The following PRKCB variants were observed in gnomAD, a reference collection of about 807,000 sequenced individuals.
PRKCB encodes protein kinase C beta, also known as protein kinase C beta type.
A neutral mutation model predicts 81.5 loss-of-function variants in PRKCB; 13 were observed. That is an observed-to-expected ratio of 0.16 (90% confidence interval 0.10 to 0.25). The LOEUF (loss-of-function observed/expected upper bound fraction) is 0.25, where lower values mean the gene tolerates loss of function less well. Ranked by LOEUF, PRKCB falls within the 10% of genes least tolerant of loss-of-function variation. The pLI is 1.00. For synonymous variants in PRKCB, 335 were observed against 321.4 expected (o/e 1.04, Z -0.45); for missense variants, 509 against 875.7 (o/e 0.58, Z 5.29).
At chr16:24,033,537 G>T (rs897551684) in intron 4 of PRKCB, among the ~76,000 whole-genome samples, 2 of 152,170 alleles carry the variant, frequency 1.3e-5, no homozygotes, top group African/African-American at 2.4e-5. Context: ...TGAGGCGGGT[G>T]GATCACCTAA....
chr16:24,086,827 T>C (rs1248520753), intron 5 of PRKCB, among the ~76,000 whole-genome samples: 1 of 152,218 alleles, frequency 6.6e-6, no homozygotes, highest in East Asian at 1.9e-4. Flanking sequence ...TTTCTATATA[T>C]TTACATTCAT....
chr16:24,035,569 C>T (rs947267968), intron 5 of PRKCB, 22 bp downstream of exon 5: 1 of 1,398,472 alleles, frequency 7.2e-7, no homozygotes, highest in Admixed American at 1.9e-5. Context: ...TGGGGCTCCA[C>T]TGGCTCCTGA....
At chr16:24,120,667 A>T (rs1166914853) in intron 8 of PRKCB, among the ~76,000 whole-genome samples, 1 of 152,016 alleles carries the variant, frequency 6.6e-6, no homozygotes, top group Non-Finnish European at 1.5e-5. Context: ...TCTGCTACCC[A>T]TCTGGGGTCA....
intron 2 of PRKCB, among the ~76,000 whole-genome samples, chr16:23,879,057 A>C (rs1189714017): frequency 6.6e-6 from 1 of 152,120 alleles, no homozygotes; most frequent in Non-Finnish European, 1.5e-5. Context: ...ACGCGCCTGT[A>C]ATCCCAGCTA....
chr16:24,035,238 A>G (rs1469330268), intron 4 of PRKCB, among the ~76,000 whole-genome samples, 181 bp from the exon 5 acceptor site: 1 of 152,264 alleles, frequency 6.6e-6, no homozygotes, highest in East Asian at 1.9e-4. Context: ...TTCAGGGGGA[A>G]GAGTTGGAAA....
At chr16:24,012,784 T>C (rs904092144) in intron 3 of PRKCB, among the ~76,000 whole-genome samples, 1 of 152,252 alleles carries the variant, frequency 6.6e-6, no homozygotes. Flanking sequence ...ATGATTGTCC[T>C]ACTCATGAGG....
intron 2 of PRKCB, among the ~76,000 whole-genome samples, chr16:23,973,141 G>A (rs938324558): frequency 4.0e-5 from 6 of 151,292 alleles, no homozygotes; most frequent in South Asian, 2.1e-4. Flanking sequence ...AGGTCAGGAC[G>A]GAAGTGATAT....
At chr16:23,875,497 A>AATG (rs1962981638) in intron 2 of PRKCB, among the ~76,000 whole-genome samples, 1 of 109,848 alleles carries the variant, frequency 9.1e-6, no homozygotes, top group African/African-American at 3.4e-5. Flanking sequence ...ATATATATAT[A>AATG]TATATATATG....
chr16:23,836,337 C>A lies in PRKCB; in HGVS notation c.162C>A (p.Thr54=). Residue 54 remains threonine (T), a synonymous_variant, in exon 1 of 17, where the codon ACC becomes ACA. Transcript: ENST00000643927. ...AGCCCACCTTCTGCAGCCACTGCAC[C>A]GACTTCATCTGGTGAGCGCGCGCGC... ...FKQPTFCSHC[T]DFIWGFGKQG... The A allele has an allele frequency of 6.2e-7, 1 of 1,602,248 alleles. No homozygotes were observed. Among genetic ancestry groups the A allele is most frequent in the Non-Finnish European group, 8.5e-7 (1 of 1,175,086 alleles).
chr16:23,967,012 A>AT (rs3043607), intron 2 of PRKCB, among the ~76,000 whole-genome samples: 53,589 of 147,204 alleles, frequency 0.36, 9,718 homozygotes, highest in East Asian at 0.49. Flanking sequence ...AGTGGTTTCC[A>AT]TTTTTTTTTT....
chr16:23,873,370 C>CAA (rs113026809), intron 2 of PRKCB, among the ~76,000 whole-genome samples: 30 of 113,554 alleles, frequency 2.6e-4, no homozygotes, highest in South Asian at 1.1e-3. Flanking sequence ...GAAACTCTGT[C>CAA]AAAAAAAAAA....
At chr16:23,869,040 A>T in intron 2 of PRKCB, 1 of 443,166 alleles carries the variant, frequency 2.3e-6, no homozygotes. Context: ...TTGTTGTCTC[A>T]ATTATTTGCT....
At chr16:23,942,822 T>C (rs1327200179) in intron 2 of PRKCB, among the ~76,000 whole-genome samples, 2 of 152,202 alleles carry the variant, frequency 1.3e-5, no homozygotes, top group Non-Finnish European at 2.9e-5. Flanking sequence ...AACTAAGCAT[T>C]GGGTCCCAGA....
intron 3 of PRKCB, among the ~76,000 whole-genome samples, chr16:24,025,893 A>T (rs1385681479): frequency 6.6e-6 from 1 of 152,112 alleles, no homozygotes; most frequent in Non-Finnish European, 1.5e-5. Flanking sequence ...TGTAGTTAGG[A>T]TCTGTTTCAT....
intron 2 of PRKCB, among the ~76,000 whole-genome samples, chr16:23,969,253 A>T (rs1964526875): frequency 3.3e-5 from 5 of 152,160 alleles, no homozygotes; most frequent in Non-Finnish European, 5.9e-5. Flanking sequence ...TGGGGAGTTT[A>T]AAGTGAATGT....
chr16:23,990,816 A>C (rs1334993291), intron 3 of PRKCB, among the ~76,000 whole-genome samples: 2 of 152,142 alleles, frequency 1.3e-5, no homozygotes, highest in Non-Finnish European at 2.9e-5. Context: ...CCAAAGTGCT[A>C]GAATTACAGG....
chr16:24,069,586 T>C (rs985595984), intron 5 of PRKCB, among the ~76,000 whole-genome samples: 1 of 152,062 alleles, frequency 6.6e-6, no homozygotes, highest in African/African-American at 2.4e-5. Context: ...ACAAAAAATT[T>C]TAAGAAGTAG....
At chr16:24,010,945 G>A (rs1965195621) in intron 3 of PRKCB, among the ~76,000 whole-genome samples, 1 of 152,084 alleles carries the variant, frequency 6.6e-6, no homozygotes, top group Admixed American at 6.6e-5. Flanking sequence ...GCTCACTGCA[G>A]CCTCTGCTTC....
At chr16:24,194,044 T>C (rs1967839103) in intron 16 of PRKCB, among the ~76,000 whole-genome samples, 1 of 152,162 alleles carries the variant, frequency 6.6e-6, no homozygotes, top group Non-Finnish European at 1.5e-5. Flanking sequence ...CTCACAATTT[T>C]GGCTGGGTAT....
Sources: allele counts gnomAD v4.1 joint callset (sites outside exome capture counted in the v4.1 genomes callset), GRCh38; gene constraint gnomAD v4.1.1; transcripts MANE v1.5; gene names NCBI Gene and HGNC (gene_info 2026-07-23, HGNC 2026-07-21).